CDH12: variants seen among roughly 807,000 people sequenced by gnomAD.
The protein encoded by CDH12 is cadherin 12, also known as cadherin-12.
In CDH12, 41 loss-of-function variants were observed where a neutral mutation model predicts 74.1. The ratio of observed to expected loss-of-function variants is 0.55; its 90% CI spans 0.43 to 0.72. The LOEUF (loss-of-function observed/expected upper bound fraction) is 0.72. Ranked by LOEUF, CDH12 falls within the 30% of genes least tolerant of loss-of-function variation. CDH12 has a pLI of 0.00. For synonymous variants in CDH12, 399 were observed against 355.0 expected (o/e 1.12, Z -1.39); for missense variants, 945 against 977.2 (o/e 0.97, Z 0.44).
chr5:22,243,464 T>C (rs1019484142), intron 3 of CDH12, among the ~76,000 whole-genome samples: 4 of 150,366 alleles, frequency 2.7e-5, no homozygotes, highest in East Asian at 1.9e-4. Flanking sequence ...AGGAGGGATA[T>C]GGGAAAAAGA....
intron 1 of CDH12, among the ~76,000 whole-genome samples, chr5:22,564,218 T>G (rs892317672): frequency 6.6e-6 from 1 of 152,238 alleles, no homozygotes; most frequent in Non-Finnish European, 1.5e-5. Flanking sequence ...AATGGTGTCA[T>G]ATCGTACATA....
Position 21,839,782 on chromosome 5 carries a change from T to C in CDH12, c.814+2379A>G, listed in dbSNP as rs148041988. 5.7e-3 allele frequency among the ~76,000 whole-genome samples: 862 copies of C among 152,296 alleles called. 4 individuals are homozygous for C. The highest frequency in any genetic ancestry group is 0.018 in the African/African-American group (758 of 41,558). ...ACTGTTTATGCAAATGACTGCCTAG[T>C]GACTTAATTAAGATCCTTATACAAC... is the stretch of plus-strand genomic sequence containing the variant. On this transcript the variant is annotated intron_variant, in intron 8 of 14. Coordinates refer to ENST00000382254, the MANE Select transcript of CDH12 (RefSeq NM_004061.5).
At chr5:22,514,644 T>C (rs1232606786) in intron 1 of CDH12, among the ~76,000 whole-genome samples, 1 of 152,248 alleles carries the variant, frequency 6.6e-6, no homozygotes, top group Non-Finnish European at 1.5e-5. Flanking sequence ...TTTGAGAATT[T>C]AATTTACATT....
chr5:22,598,174 T>C (rs1438339374), intron 1 of CDH12, among the ~76,000 whole-genome samples: 1 of 152,194 alleles, frequency 6.6e-6, no homozygotes, highest in Non-Finnish European at 1.5e-5. Flanking sequence ...TAAGATTCTG[T>C]GAATGAAATG....
At chr5:22,683,185 G>C (rs1741586215) in intron 1 of CDH12, among the ~76,000 whole-genome samples, 1 of 152,158 alleles carries the variant, frequency 6.6e-6, no homozygotes, top group Non-Finnish European at 1.5e-5. Flanking sequence ...AGGGTAATTT[G>C]CTGCTCCAGC....
At position 22,056,936 on chromosome 5, in the gene CDH12, C is replaced by T. The variant is rs548963785; in HGVS notation, c.231+21510G>A. On this transcript the variant is annotated intron_variant, in intron 5 of 14. Transcript: ENST00000382254. ...TTTTTTTTAGAGGACCCATTTCTGACAACCAACATCTCCCCTAAGAACTTT... is the reference window on the plus strand; with the variant it reads ...TTTTTTTTAGAGGACCCATTTCTGATAACCAACATCTCCCCTAAGAACTTT... Among the ~76,000 whole-genome samples the T allele has an allele frequency of 2.0e-5, 3 of 152,254 alleles. No homozygotes were observed. The South Asian group carries it at 6.2e-4, about 32-fold the overall frequency.
At chr5:22,514,014 CATTT>C (rs1736713172) in intron 1 of CDH12, among the ~76,000 whole-genome samples, 1 of 147,408 alleles carries the variant, frequency 6.8e-6, no homozygotes, top group African/African-American at 2.5e-5. Context: ...AAAGTAGATA[CATTT>C]TTAAGTAATA....
chr5:22,055,339 G>A (rs116621272), intron 5 of CDH12, among the ~76,000 whole-genome samples: 1,925 of 152,230 alleles, frequency 0.013, 31 homozygotes, highest in African/African-American at 0.044. Context: ...AAAATAGCAA[G>A]TAAGAGTGAC....
chr5:22,248,157 G>T (rs1480615784), intron 3 of CDH12, among the ~76,000 whole-genome samples: 2 of 152,082 alleles, frequency 1.3e-5, no homozygotes, highest in Non-Finnish European at 2.9e-5. Flanking sequence ...AAAATTAGCT[G>T]GGCGTGGTAG....
chr5:22,419,672 G>A, intron 2 of CDH12, among the ~76,000 whole-genome samples: 1 of 152,134 alleles, frequency 6.6e-6, no homozygotes, highest in East Asian at 1.9e-4. Context: ...AGCCAGTGAT[G>A]GGATTGCTGA....
At chr5:22,705,130 T>TACACACACAC (rs1554060406) in intron 1 of CDH12, among the ~76,000 whole-genome samples, 6 of 125,614 alleles carry the variant, frequency 4.8e-5, no homozygotes, top group African/African-American at 1.5e-4. Context: ...TATATATATA[T>TACACACACAC]ACACACACAC....
At chr5:21,842,024 G>A (rs979420717) in intron 8 of CDH12, 137 bp downstream of exon 8, 19 of 650,426 alleles carry the variant, frequency 2.9e-5, no homozygotes, top group African/African-American at 5.6e-5. Flanking sequence ...AAAAAGATTT[G>A]TAATTTTTAA....
chr5:22,223,081 G>A (rs781522843), intron 3 of CDH12, among the ~76,000 whole-genome samples: 14 of 151,896 alleles, frequency 9.2e-5, no homozygotes, highest in Non-Finnish European at 4.4e-5. Context: ...TTAAGTGGAC[G>A]TCTTAGCTAA....
chr5:22,073,875 C>A (rs778531095), intron 5 of CDH12, among the ~76,000 whole-genome samples: 19 of 152,078 alleles, frequency 1.2e-4, no homozygotes, highest in Non-Finnish European at 2.6e-4. Flanking sequence ...ACCAATTGGT[C>A]CCTAAAAATG....
At chr5:21,897,144 T>C (rs550652050) in intron 6 of CDH12, among the ~76,000 whole-genome samples, 2 of 152,298 alleles carry the variant, frequency 1.3e-5, no homozygotes, top group African/African-American at 4.8e-5. Context: ...AAAAAGGTTA[T>C]ATAAATACAA....
intron 6 of CDH12, among the ~76,000 whole-genome samples, chr5:21,921,964 T>G (rs373143225): frequency 7.9e-5 from 12 of 152,284 alleles, no homozygotes; most frequent in African/African-American, 2.6e-4. Context: ...AACATAAAAA[T>G]CCACACATCT....
intron 1 of CDH12, among the ~76,000 whole-genome samples, chr5:22,785,940 T>G (rs1747601851): frequency 6.6e-6 from 1 of 152,154 alleles, no homozygotes; most frequent in Non-Finnish European, 1.5e-5. Flanking sequence ...GAAATATCAT[T>G]TGACTCAGCA....
chr5:22,426,331 AT>A (rs1422007405), intron 2 of CDH12, among the ~76,000 whole-genome samples: 1 of 142,366 alleles, frequency 7.0e-6, no homozygotes, highest in Non-Finnish European at 1.6e-5. Context: ...GTTTTATTTT[AT>A]TTTTTATATT....
intron 4 of CDH12, among the ~76,000 whole-genome samples, chr5:22,120,322 C>T (rs970396975): frequency 6.6e-6 from 1 of 152,216 alleles, no homozygotes; most frequent in East Asian, 1.9e-4. Context: ...TATACATATT[C>T]AGTGGAATTT....
Sources: gnomAD v4.1 joint callset for allele counts (sites outside exome capture counted in the v4.1 genomes callset) on GRCh38, gnomAD v4.1.1 for gene constraint, MANE v1.5 for transcripts, NCBI Gene and HGNC (gene_info 2026-07-23, HGNC 2026-07-21) for gene names.